NSG1: variants seen among roughly 807,000 people sequenced by gnomAD.
The protein encoded by NSG1 is neuronal vesicle trafficking associated 1.
NSG1 carries 9 observed loss-of-function variants against 19.3 expected under a neutral mutation model. The observed-to-expected ratio is 0.47, with a 90% CI of 0.28 to 0.81. The LOEUF is 0.81. Ranked by LOEUF, NSG1 falls within the 40% of genes least tolerant of loss-of-function variation. The pLI is 0.11. For synonymous variants in NSG1, 104 were observed against 107.0 expected, an observed-to-expected ratio of 0.97 and a Z score of 0.17; for missense variants, 236 against 242.4, an observed-to-expected ratio of 0.97 and a Z score of 0.18.
chr4:4,395,157 T>A (rs2108729568), intron 3 of NSG1, among the ~76,000 whole-genome samples: 2 of 152,324 alleles, frequency 1.3e-5, no homozygotes, highest in East Asian at 3.9e-4. Flanking sequence ...TTTACCTAGC[T>A]CCCTGCCCAC....
chr4:4,410,174 T>A (rs1186792132), intron 4 of NSG1, among the ~76,000 whole-genome samples: 1 of 152,172 alleles, frequency 6.6e-6, no homozygotes, highest in Non-Finnish European at 1.5e-5. Context: ...CCCACCCTCC[T>A]GACCTGTGTC....
intron 3 of NSG1, among the ~76,000 whole-genome samples, chr4:4,399,808 A>G (rs1450951954): frequency 2.0e-5 from 3 of 152,230 alleles, no homozygotes; most frequent in Non-Finnish European, 4.4e-5. Context: ...TTAGATCCTC[A>G]TAAGGAGAAC....
chr4:4,392,364 G>T (rs1186078833), intron 3 of NSG1, among the ~76,000 whole-genome samples: 1 of 152,154 alleles, frequency 6.6e-6, no homozygotes, highest in Non-Finnish European at 1.5e-5. Flanking sequence ...CAGATTCAAG[G>T]AGGTGAATTG....
intron 1 of NSG1, among the ~76,000 whole-genome samples, 169 bp downstream of exon 1, chr4:4,387,342 A>G (rs988365816): frequency 6.6e-6 from 1 of 152,034 alleles, no homozygotes; most frequent in Non-Finnish European, 1.5e-5. Context: ...GGTGCTGGGC[A>G]GGGGCGGCGC....
chr4:4,402,426 C>G (rs1236794399), intron 3 of NSG1, among the ~76,000 whole-genome samples: 1 of 111,500 alleles, frequency 9.0e-6, no homozygotes, highest in South Asian at 3.3e-4. Context: ...CTTGCTCTGT[C>G]GCCCAGGCTG....
At chr4:4,390,943 G>C (rs1722958112) in intron 2 of NSG1, among the ~76,000 whole-genome samples, 1 of 152,034 alleles carries the variant, frequency 6.6e-6, no homozygotes, top group African/African-American at 2.4e-5. Flanking sequence ...GGGGAGAGGA[G>C]GATGTGGGGG....
chr4:4,389,059 C>T (rs1722874621), intron 2 of NSG1, among the ~76,000 whole-genome samples: 1 of 152,242 alleles, frequency 6.6e-6, no homozygotes, highest in African/African-American at 2.4e-5. Flanking sequence ...CCCCCACACC[C>T]CCTCCTGCCT....
intron 1 of NSG1, 61 bp from the exon 2 acceptor site, chr4:4,387,543 T>A: frequency 2.4e-6 from 2 of 818,290 alleles, no homozygotes; most frequent in Non-Finnish European, 1.9e-6. Context: ...GGGTGCCCAC[T>A]TCCCCCCCGC....
Position 4,417,357 on chromosome 4 carries a change from C to T in NSG1, c.480C>T (p.Ser160=), listed in dbSNP as rs189121347. ...TGGCCAAGCAGAGCATCACGCGCTC[C>T]GTATCGCCCTGGATGTCAGTTCTGT... ...YNLAKQSITR[S]VSPWMSVLSE... Residue 160 remains serine (S), a synonymous_variant, in exon 5 of 5, where the codon TCC becomes TCT. Coordinates refer to ENST00000621129, the MANE Select transcript of NSG1 (RefSeq NM_014392.5). The T allele has an allele frequency of 4.4e-5, 71 of 1,614,192 alleles. No homozygotes were observed. Among genetic ancestry groups the T allele is most frequent in the African/African-American group, 4.4e-4 (33 of 75,048 alleles).
chr4:4,410,807 T>C (rs1368086566), intron 4 of NSG1, among the ~76,000 whole-genome samples: 1 of 152,196 alleles, frequency 6.6e-6, no homozygotes, highest in Non-Finnish European at 1.5e-5. Flanking sequence ...CATAACATAC[T>C]CTTTCTTCAG....
intron 3 of NSG1, among the ~76,000 whole-genome samples, chr4:4,406,590 G>C (rs768549285): frequency 6.6e-6 from 1 of 152,164 alleles, no homozygotes; most frequent in Non-Finnish European, 1.5e-5. Context: ...CCGCTCTGCT[G>C]TCTGCCAGGC....
intron 3 of NSG1, among the ~76,000 whole-genome samples, chr4:4,398,402 AC>A (rs746962306): frequency 4.6e-5 from 7 of 150,772 alleles, no homozygotes; most frequent in Non-Finnish European, 8.9e-5. Flanking sequence ...CATTTTTATC[AC>A]CCCAAAAGGA....
chr4:4,404,661 C>T (rs899142428), intron 3 of NSG1, among the ~76,000 whole-genome samples: 2 of 152,218 alleles, frequency 1.3e-5, no homozygotes, highest in African/African-American at 2.4e-5. Flanking sequence ...CTGGAGGAAA[C>T]GCCGATGTCT....
rs748341226 is a variant in NSG1 at position 4,418,317 on chromosome 4, G to A, written c.*882G>A. On this transcript the variant is annotated 3_prime_UTR_variant, in exon 5 of 5. Coordinates refer to ENST00000621129, the MANE Select transcript of NSG1 (RefSeq NM_014392.5). ...TAGCCCCATTAGTTTTTAAAGAAAT[G>A]AGCTGGGTGGGAAAAGTGGAAATGT... 1.3e-5 allele frequency: 2 copies of A among 152,164 alleles called. No individual in the cohort carries two copies. The highest frequency in any genetic ancestry group is 2.4e-5 in the African/African-American group (1 of 41,418). 9.4% of individuals were successfully genotyped at this position (152,164 alleles called of 1,614,324 possible).
intron 3 of NSG1, among the ~76,000 whole-genome samples, chr4:4,394,207 C>T (rs1379324039): frequency 2.0e-5 from 3 of 152,158 alleles, no homozygotes; most frequent in Non-Finnish European, 2.9e-5. Flanking sequence ...TCACCCCAGG[C>T]GCCATCGCTG....
At chr4:4,397,931 T>C (rs1723349747) in intron 3 of NSG1, among the ~76,000 whole-genome samples, 1 of 152,150 alleles carries the variant, frequency 6.6e-6, no homozygotes, top group African/African-American at 2.4e-5. Flanking sequence ...CTCTCTCCTC[T>C]GGCCCATTCT....
chr4:4,393,163 C>T (rs1723085086), intron 3 of NSG1, among the ~76,000 whole-genome samples: 1 of 152,170 alleles, frequency 6.6e-6, no homozygotes, highest in Non-Finnish European at 1.5e-5. Context: ...CTGAGTGTGT[C>T]TGGGTTTCTC....
At position 4,409,636 on chromosome 4, in the gene NSG1, A is replaced by G; in HGVS notation, c.310A>G (p.Lys104Glu). Residue 104 changes from lysine (K) to glutamate (E), a missense_variant, in exon 4 of 5, where the codon AAG becomes GAG. By Grantham distance (56) the Lys-to-Glu change is moderately conservative. Coordinates refer to ENST00000621129, the MANE Select transcript of NSG1 (RefSeq NM_014392.5). ...CTGCGTCGTCTTCCTGGTTGTCTAC[A>G]AGGTGTACAAGTATGACCGCGCCTG... Reference protein sequence around the residue: ...LTCVVFLVVYKVYKYDRACPD... With the variant: ...LTCVVFLVVYEVYKYDRACPD... 6.2e-7 allele frequency: 1 copy of G among 1,614,106 alleles called. No individual in the cohort carries two copies. Among genetic ancestry groups the G allele is most frequent in the South Asian group, 1.1e-5 (1 of 91,084 alleles).
intron 4 of NSG1, among the ~76,000 whole-genome samples, chr4:4,414,452 C>T (rs1724406199): frequency 6.6e-6 from 1 of 152,016 alleles, no homozygotes; most frequent in Non-Finnish European, 1.5e-5. Flanking sequence ...GGAGAAGGCA[C>T]CTAGGAAGGC....
Sources: allele counts gnomAD v4.1 joint callset (sites outside exome capture counted in the v4.1 genomes callset), GRCh38; gene constraint gnomAD v4.1.1; transcripts MANE v1.5; gene names NCBI Gene and HGNC (gene_info 2026-07-23, HGNC 2026-07-21).